VPS50: variants seen among roughly 807,000 people sequenced by gnomAD.
VPS50 encodes the protein VPS50 subunit of EARP/GARPII complex.
A neutral mutation model predicts 139.7 loss-of-function variants in VPS50; 70 were observed. That is an observed-to-expected ratio of 0.50 (90% CI 0.41 to 0.61). VPS50 has a LOEUF of 0.61. VPS50 is among the 20% of genes least tolerant of loss of function. The pLI is 0.00. For synonymous variants in VPS50, 365 were observed against 376.7 expected (o/e 0.97, Z 0.36); for missense variants, 921 against 1,133.7 (o/e 0.81, Z 2.69).
chr7:93,310,954 G>A (rs567584675), intron 19 of VPS50, among the ~76,000 whole-genome samples: 7 of 152,006 alleles, frequency 4.6e-5, no homozygotes, highest in African/African-American at 1.7e-4. Context: ...TTTTATAATC[G>A]AAGAAATGCA....
intron 12 of VPS50, among the ~76,000 whole-genome samples, chr7:93,277,569 A>T (rs1796196585): frequency 6.6e-6 from 1 of 152,192 alleles, no homozygotes; most frequent in African/African-American, 2.4e-5. Context: ...TTCTTACCTG[A>T]GCTACAATAA....
At chr7:93,239,729 TA>T (rs1584374366) in intron 1 of VPS50, 136 bp from the exon 2 acceptor site, 2 of 533,260 alleles carry the variant, frequency 3.8e-6, no homozygotes, top group East Asian at 6.4e-5. Context: ...TGATTGCTTT[TA>T]GAATATATCT....
chr7:93,262,995 C>G (rs1425791712), intron 9 of VPS50, among the ~76,000 whole-genome samples: 2 of 151,998 alleles, frequency 1.3e-5, no homozygotes, highest in Non-Finnish European at 2.9e-5. Context: ...TTCTAACATT[C>G]TTTTATTTTT....
At chr7:93,264,983 C>T (rs185713300) in intron 9 of VPS50, among the ~76,000 whole-genome samples, 7 of 152,224 alleles carry the variant, frequency 4.6e-5, no homozygotes, top group Non-Finnish European at 4.4e-5. Flanking sequence ...CTCTGCCATG[C>T]TGTGCTGTTT....
chr7:93,297,526 A>C (rs1338017591), intron 16 of VPS50, among the ~76,000 whole-genome samples: 2 of 152,118 alleles, frequency 1.3e-5, no homozygotes, highest in African/African-American at 2.4e-5. Context: ...GGTTCACAGA[A>C]AGAATTTGGC....
intron 12 of VPS50, among the ~76,000 whole-genome samples, chr7:93,286,060 T>C (rs1562869030): frequency 6.6e-6 from 1 of 152,202 alleles, no homozygotes. Context: ...ATGCCTATTT[T>C]ATCTTTTCCC....
At chr7:93,289,517 T>C (rs1208727512) in intron 12 of VPS50, among the ~76,000 whole-genome samples, 3 of 152,102 alleles carry the variant, frequency 2.0e-5, no homozygotes, top group Admixed American at 2.0e-4. Flanking sequence ...ATTGTACTTA[T>C]ATTTTTATAT....
intron 2 of VPS50, among the ~76,000 whole-genome samples, chr7:93,249,429 G>C (rs935278722): frequency 6.6e-6 from 1 of 152,002 alleles, no homozygotes; most frequent in Admixed American, 6.6e-5. Flanking sequence ...AAAAATCCAA[G>C]TATCTTTACC....
chr7:93,315,754 A>G (rs749262183), intron 20 of VPS50, among the ~76,000 whole-genome samples: 1 of 152,108 alleles, frequency 6.6e-6, no homozygotes, highest in African/African-American at 2.4e-5. Context: ...TAATAAGGAA[A>G]TTATAGGTTT....
intron 1 of VPS50, among the ~76,000 whole-genome samples, chr7:93,237,132 A>G (rs1406388894): frequency 6.8e-6 from 1 of 146,512 alleles, no homozygotes; most frequent in Non-Finnish European, 1.5e-5. Context: ...TTTTTTTTGT[A>G]TTTTTAGTAG....
Position 93,345,163 on chromosome 7 carries a change from C to T in VPS50, c.2208-3548C>T, listed in dbSNP as rs1402918558. Reference sequence around the variant, plus strand: ...AAAGGGGATATCACCACCGATCCCACAGAAATACAAACTACCTTCAGAGAA... The same window carrying T: ...AAAGGGGATATCACCACCGATCCCATAGAAATACAAACTACCTTCAGAGAA... On this transcript the variant is annotated intron_variant, in intron 23 of 27. Transcript: ENST00000305866. 2.0e-5 allele frequency among the ~76,000 whole-genome samples: 3 copies of T among 152,216 alleles called. No homozygotes were observed. In the East Asian group the frequency reaches 5.8e-4, roughly 29 times the overall value.
intron 12 of VPS50, among the ~76,000 whole-genome samples, chr7:93,285,542 A>G (rs532089434): frequency 4.6e-5 from 7 of 152,198 alleles, no homozygotes; most frequent in Non-Finnish European, 7.3e-5. Flanking sequence ...GTGTGCTTCA[A>G]ACTTATAAAG....
At position 93,256,497 on chromosome 7, in the gene VPS50, A is replaced by G; in HGVS notation, c.298-12A>G. 7.8e-7 allele frequency: 1 copy of G among 1,285,938 alleles called. No homozygotes were observed. Among genetic ancestry groups the G allele is most frequent in the Non-Finnish European group, 1.1e-6 (1 of 938,586 alleles). The allele number at this position is 1,285,938 out of a possible 1,614,324, so 79.7% of individuals were successfully genotyped here. On this transcript the variant is annotated splice_polypyrimidine_tract_variant and intron_variant, in intron 4 of 27. Coordinates refer to ENST00000305866, the MANE Select transcript of VPS50 (RefSeq NM_017667.4). The stretch of plus-strand genomic sequence containing the variant: ...TCTTTTATTTCCTTTGTTTGATTAC[A>G]TCTTCTTATAGGTATCTAAAAAAGT...
intron 18 of VPS50, among the ~76,000 whole-genome samples, chr7:93,306,812 A>G (rs1284404805): frequency 6.6e-6 from 1 of 151,952 alleles, no homozygotes; most frequent in African/African-American, 2.4e-5. Context: ...AAAACCATTC[A>G]GATGTGACAA....
At chr7:93,242,686 T>C (rs894756679) in intron 2 of VPS50, among the ~76,000 whole-genome samples, 1 of 151,992 alleles carries the variant, frequency 6.6e-6, no homozygotes, top group Non-Finnish European at 1.5e-5. Flanking sequence ...GGTACAACTT[T>C]TAAAAAACAT....
intron 10 of VPS50, among the ~76,000 whole-genome samples, chr7:93,272,058 T>C (rs916992164): frequency 4.0e-5 from 6 of 151,806 alleles, no homozygotes; most frequent in African/African-American, 7.2e-5. Context: ...AGGCTTTCTT[T>C]TGAGAGCCCA....
chr7:93,324,082 A>G (rs1272971331), intron 21 of VPS50, among the ~76,000 whole-genome samples: 2 of 152,164 alleles, frequency 1.3e-5, no homozygotes, highest in African/African-American at 4.8e-5. Context: ...CTGGCTAACA[A>G]CCTTAGCAGT....
rs1236690623 is a variant in VPS50, at chr7:93,297,610, G to T, written c.1361+367G>T. 3.3e-5 allele frequency among the ~76,000 whole-genome samples: 5 copies of T among 152,222 alleles called. No individual in the cohort carries two copies. The South Asian group carries it at 1.0e-3, about 32-fold the overall frequency. ...ATCAGTAGAGGCAGTGCTCAGTGAG[G>T]GGGTGCTTGAGAGTATCTATCTTTT... On this transcript the variant is annotated intron_variant, in intron 16 of 27. Coordinates refer to ENST00000305866, the MANE Select transcript of VPS50 (RefSeq NM_017667.4).
chr7:93,282,891 T>C (rs1487977271), intron 12 of VPS50, among the ~76,000 whole-genome samples: 5 of 152,236 alleles, frequency 3.3e-5, no homozygotes, highest in Non-Finnish European at 7.4e-5. Flanking sequence ...TTTATTCTTA[T>C]CACATATATG....
Sources: gnomAD v4.1 joint callset for allele counts (sites outside exome capture counted in the v4.1 genomes callset) on GRCh38, gnomAD v4.1.1 for gene constraint, MANE v1.5 for transcripts, NCBI Gene and HGNC (gene_info 2026-07-23, HGNC 2026-07-21) for gene names.